Variants in PCDH15 observed in about 807,000 individuals in gnomAD.
PCDH15 encodes protocadherin related 15, also known as protocadherin-15.
Under a neutral mutation model 178.5 loss-of-function variants are expected in PCDH15, and 129 were observed. The observed-to-expected ratio is 0.72, with a 90% confidence interval of 0.63 to 0.84. The LOEUF (loss-of-function observed/expected upper bound fraction) is 0.84. Among genes scored for constraint, PCDH15 ranks in the 40% least tolerant of loss-of-function variants. PCDH15 has a pLI of 0.00. For missense variants in PCDH15, 2,230 were observed against 2,099.9 expected (o/e 1.06, Z -1.21); for synonymous variants, 800 against 732.0 (o/e 1.09, Z -1.50).
chr10:54,088,754 C>T (rs1426030199), intron 16 of PCDH15, among the ~76,000 whole-genome samples: 2 of 152,122 alleles, frequency 1.3e-5, no homozygotes, highest in Non-Finnish European at 2.9e-5. Context: ...AATTCATTCT[C>T]TTGCATATTG....
chr10:55,298,104 C>A (rs1254044434), intron 1 of PCDH15, among the ~76,000 whole-genome samples: 1 of 152,170 alleles, frequency 6.6e-6, no homozygotes, highest in Admixed American at 6.6e-5. Context: ...ACACTTCACT[C>A]TTACATGGGA....
intron 3 of PCDH15, among the ~76,000 whole-genome samples, chr10:54,404,228 A>C (rs1223983109): frequency 1.3e-5 from 2 of 152,026 alleles, no homozygotes; most frequent in Non-Finnish European, 2.9e-5. Context: ...TCCTAAGCAA[A>C]AAATACAGAG....
At chr10:55,077,349 C>G (rs1341529674) in intron 2 of PCDH15, among the ~76,000 whole-genome samples, 1 of 151,754 alleles carries the variant, frequency 6.6e-6, no homozygotes, top group African/African-American at 2.4e-5. Flanking sequence ...ATTCAATGTT[C>G]TTTTCTTTTT....
intron 1 of PCDH15, among the ~76,000 whole-genome samples, chr10:54,690,595 G>A (rs1026824383): frequency 2.0e-5 from 3 of 152,060 alleles, no homozygotes; most frequent in Admixed American, 6.6e-5. Flanking sequence ...TTACAGGCAT[G>A]AGCCACCATG....
At chr10:54,843,200 G>A (rs10825406) in intron 3 of PCDH15, among the ~76,000 whole-genome samples, 42,314 of 151,686 alleles carry the variant, frequency 0.28, 6,050 homozygotes, top group Middle Eastern at 0.36. Context: ...TGAACTTTAG[G>A]GAGAACTGAA....
chr10:55,253,894 A>G (rs887572585), intron 1 of PCDH15, among the ~76,000 whole-genome samples: 1 of 152,236 alleles, frequency 6.6e-6, no homozygotes, highest in Non-Finnish European at 1.5e-5. Flanking sequence ...AAAACATTCA[A>G]TGATTAGGTA....
chr10:54,828,255 T>A (rs1009735815), intron 3 of PCDH15, among the ~76,000 whole-genome samples: 1 of 151,944 alleles, frequency 6.6e-6, no homozygotes, highest in Non-Finnish European at 1.5e-5. Flanking sequence ...GAGATAACAT[T>A]CTAGAGTTGA....
At chr10:54,018,914 A>G (rs2092826167) in intron 20 of PCDH15, among the ~76,000 whole-genome samples, 1 of 152,142 alleles carries the variant, frequency 6.6e-6, no homozygotes, top group African/African-American at 2.4e-5. Flanking sequence ...ACAACTGTGA[A>G]TAAAATATAA....
At chr10:54,484,006 C>T (rs2078914241) in intron 3 of PCDH15, among the ~76,000 whole-genome samples, 1 of 151,878 alleles carries the variant, frequency 6.6e-6, no homozygotes, top group South Asian at 2.1e-4. Context: ...GATGATTTTT[C>T]CCACTGTCCA....
At chr10:54,441,516 C>T (rs951821664) in intron 3 of PCDH15, among the ~76,000 whole-genome samples, 4 of 151,886 alleles carry the variant, frequency 2.6e-5, no homozygotes, top group South Asian at 2.1e-4. Context: ...GGTTAACCAG[C>T]GGGGCGACAT....
intron 1 of PCDH15, among the ~76,000 whole-genome samples, chr10:54,669,861 T>C (rs373921039): frequency 7.0e-4 from 107 of 151,786 alleles, no homozygotes; most frequent in African/African-American, 2.4e-3. Flanking sequence ...CAGACCAGCC[T>C]GGCAAACTTG....
rs2137045619 is a variant in PCDH15, at chr10:54,487,551, A to C, written c.157+40261T>G. Among the ~76,000 whole-genome samples the C allele has an allele frequency of 2.0e-5, 3 of 152,200 alleles. No individual in the cohort carries two copies. In the Middle Eastern group the frequency reaches 0.01, roughly 518 times the overall value. Reference sequence around the variant, plus strand: ...TTCCCTTATTAGCTTTATGAGGTTTATTTAAGTACTCATGAGTGGTGTCTT... The same window carrying C: ...TTCCCTTATTAGCTTTATGAGGTTTCTTTAAGTACTCATGAGTGGTGTCTT... On this transcript the variant is annotated intron_variant, in intron 3 of 37. Coordinates refer to ENST00000644397, the MANE Select transcript of PCDH15 (RefSeq NM_001384140.1).
chr10:53,843,893 C>T (rs1351880354), intron 28 of PCDH15, among the ~76,000 whole-genome samples: 2 of 152,000 alleles, frequency 1.3e-5, no homozygotes, highest in East Asian at 3.9e-4. Context: ...ACATGGAATA[C>T]ATCAGTGAAC....
chr10:55,055,690 C>A (rs985145197), intron 2 of PCDH15, among the ~76,000 whole-genome samples: 5 of 152,060 alleles, frequency 3.3e-5, no homozygotes, highest in Admixed American at 3.3e-4. Context: ...GTAGTCCCAG[C>A]TACCCAGGAG....
intron 2 of PCDH15, among the ~76,000 whole-genome samples, chr10:55,063,459 C>T (rs184769152): frequency 2.6e-5 from 4 of 152,154 alleles, no homozygotes; most frequent in Non-Finnish European, 5.9e-5. Flanking sequence ...AAACTCTCTG[C>T]AGAATATAAT....
chr10:54,066,905 A>G lies in PCDH15; in HGVS notation c.2092-20T>C. ...TGAGGTCTTAAAGAAAAACACAAGC[A>G]TTAAATGTGAGAGGAGCTATTTTTA... On this transcript the variant is annotated intron_variant, in intron 17 of 37. Coordinates refer to ENST00000644397, the MANE Select transcript of PCDH15 (RefSeq NM_001384140.1). 1 of 1,611,400 alleles carries G rather than the reference A, an allele frequency of 6.2e-7. No individual in the cohort carries two copies. Among genetic ancestry groups the G allele is most frequent in the Non-Finnish European group, 8.5e-7 (1 of 1,178,110 alleles).
intron 1 of PCDH15, among the ~76,000 whole-genome samples, chr10:54,695,180 C>T (rs1214600779): frequency 6.6e-6 from 1 of 152,114 alleles, no homozygotes; most frequent in African/African-American, 2.4e-5. Context: ...CAAACCTGCA[C>T]GTTGTGCACA....
At chr10:53,816,767 C>T (rs1169745944) in intron 34 of PCDH15, among the ~76,000 whole-genome samples, 2 of 152,136 alleles carry the variant, frequency 1.3e-5, no homozygotes, top group Non-Finnish European at 2.9e-5. Context: ...ATATTGAAGA[C>T]ATGCTCTCCA....
At chr10:53,885,330 A>G (rs1458363368) in intron 26 of PCDH15, among the ~76,000 whole-genome samples, 1 of 152,142 alleles carries the variant, frequency 6.6e-6, no homozygotes, top group Non-Finnish European at 1.5e-5. Context: ...ATTAATTAGT[A>G]TAATATAATT....
Sources: allele counts gnomAD v4.1 joint callset (sites outside exome capture counted in the v4.1 genomes callset), GRCh38; gene constraint gnomAD v4.1.1; transcripts MANE v1.5; gene names NCBI Gene and HGNC (gene_info 2026-07-23, HGNC 2026-07-21).